The following LRP1 variants were observed in gnomAD, a reference collection of about 807,000 sequenced individuals.
LRP1 encodes LDL receptor related protein 1, also known as prolow-density lipoprotein receptor-related protein 1.
In LRP1, 51 loss-of-function variants were observed where a neutral mutation model predicts 541.5. That is an observed-to-expected ratio of 0.09 (90% CI 0.08 to 0.12). The LOEUF is 0.12. Ranked by LOEUF, LRP1 falls within the 10% of genes least tolerant of loss-of-function variation. The pLI is 1.00. For missense variants in LRP1, 3,878 were observed against 6,376.2 expected, an observed-to-expected ratio of 0.61 and a Z score of 13.34; for synonymous variants, 2,219 against 2,470.8, an observed-to-expected ratio of 0.90 and a Z score of 3.02.
At chr12:57,199,124 T>G in intron 60 of LRP1, 88 bp from the exon 61 acceptor site, 1 of 1,203,164 alleles carries the variant, frequency 8.3e-7, no homozygotes. Flanking sequence ...CCTCTCAGGG[T>G]GGTGGTAGGG....
Position 57,165,983 on chromosome 12 carries a change from GGC to G in LRP1, c.2671+39_2671+40del. On this transcript the variant is annotated intron_variant, in intron 16 of 88. Transcript: ENST00000243077. The surrounding 1 kb of genome is among the most constrained non-coding windows in gnomAD (Gnocchi z 4.5). ...CCCTGCCCCACCCTGTTGGATGGCA[GGC>G]CTGCAGGGCAGCTCGGCTCTGGCAG... 6.2e-7 allele frequency: 1 copy of G among 1,612,292 alleles called. No individual in the cohort carries two copies. Among genetic ancestry groups the G allele is most frequent in the Non-Finnish European group, 8.5e-7 (1 of 1,178,458 alleles).
chr12:57,153,715 C>G (rs2035568051), intron 6 of LRP1, among the ~76,000 whole-genome samples: 1 of 152,068 alleles, frequency 6.6e-6, no homozygotes, highest in South Asian at 2.1e-4. Flanking sequence ...TACTTTTCTC[C>G]CAAACTGGGT....
Position 57,195,320 on chromosome 12 carries a change from G to T in LRP1, c.8358G>T (p.Val2786=), listed in dbSNP as rs1009053902. 6.2e-7 allele frequency: 1 copy of T among 1,613,538 alleles called. No individual in the cohort carries two copies. Among genetic ancestry groups the T allele is most frequent in the Non-Finnish European group, 8.5e-7 (1 of 1,180,030 alleles). Residue 2786 remains valine (V), a synonymous_variant, in exon 52 of 89, where the codon GTG becomes GTT. Coordinates refer to ENST00000243077, the MANE Select transcript of LRP1 (RefSeq NM_002332.3). ...PSSFSCPGTH[V]CVPERWLCDG... ...CCTTCTCCTGCCCTGGCACCCACGT[G>T]TGCGTCCCCGAGCGCTGGCTCTGTG...
intron 33 of LRP1, 136 bp from the exon 34 acceptor site, chr12:57,181,021 G>T: frequency 1.6e-6 from 2 of 1,261,422 alleles, no homozygotes; most frequent in Non-Finnish European, 1.1e-6. Context: ...GAAAACCTGA[G>T]AGCTGGGTAG....
Position 57,191,944 on chromosome 12 carries a change from CAT to C in LRP1, c.7429+434_7429+435del, listed in dbSNP as rs1482363213. ...CACTACACATACCACACACACACCA[CAT>C]ACACACACCACATACACACACCACA... On this transcript the variant is annotated intron_variant, in intron 44 of 88. Coordinates refer to ENST00000243077, the MANE Select transcript of LRP1 (RefSeq NM_002332.3). Among the ~76,000 whole-genome samples, 35 of 110,776 alleles carry C rather than the reference CAT, an allele frequency of 3.2e-4. 1 individual carries two copies. Among genetic ancestry groups the C allele is most frequent in the African/African-American group, 6.6e-4 (18 of 27,256 alleles). The allele number at this position is 110,776 out of a possible 152,430, so 72.7% of individuals were successfully genotyped here.
intron 2 of LRP1, among the ~76,000 whole-genome samples, chr12:57,140,314 C>T (rs1398080046): frequency 2.0e-5 from 3 of 152,072 alleles, no homozygotes; most frequent in African/African-American, 7.2e-5. Flanking sequence ...TAGAATAGTG[C>T]TGTCCAATAG....
chr12:57,165,832 A>G lies in LRP1; in HGVS notation c.2558A>G (p.Gln853Arg). Reference protein sequence around the residue: ...LANPSYVPPPQCQPGEFACAN... With the variant: ...LANPSYVPPPRCQPGEFACAN... Reference sequence around the variant, plus strand: ...AACCCATCCTACGTGCCTCCACCCCAGTGCCAGCCAGGCGAGTTTGCCTGT... The same window carrying G: ...AACCCATCCTACGTGCCTCCACCCCGGTGCCAGCCAGGCGAGTTTGCCTGT... The change falls in exon 16 of 89, where the codon CAG becomes CGG. Residue 853 changes from glutamine (Q) to arginine (R), a missense_variant. Physicochemically the swap from Gln to Arg is conservative, Grantham distance 43. Transcript: ENST00000243077. This position sits in a 1 kb window ranked among gnomAD's most constrained non-coding sequence, Gnocchi z 4.5. 1 of 1,614,210 alleles carries G rather than the reference A, an allele frequency of 6.2e-7. No individual in the cohort carries two copies. The highest frequency in any genetic ancestry group is 2.2e-5 in the East Asian group (1 of 44,888).
At chr12:57,194,250 T>A (rs1207884093) in intron 48 of LRP1, 104 bp from the exon 49 acceptor site, 1 of 1,338,872 alleles carries the variant, frequency 7.5e-7, no homozygotes, top group Non-Finnish European at 1.0e-6. Context: ...AAGGGCACCG[T>A]TCAACTTTTG....
intron 1 of LRP1, among the ~76,000 whole-genome samples, chr12:57,130,987 AGGGTGGTGAGAAAGG>A (rs1236938296): frequency 6.6e-6 from 1 of 152,220 alleles, no homozygotes; most frequent in African/African-American, 2.4e-5. Context: ...TCTTGGGTAC[AGGGTGGTGAGAAAGG>A]GGAATTGCAT....
rs371256123 is a variant in LRP1, at chr12:57,199,994, G to A, written c.9983G>A (p.Arg3328His). The A allele has an allele frequency of 2.4e-5, 39 of 1,596,242 alleles. No individual in the cohort carries two copies. Among genetic ancestry groups the A allele is most frequent in the South Asian group, 4.5e-5 (4 of 88,588 alleles). The change falls in exon 62 of 89, where the codon CGC (arginine) becomes CAC (histidine). Residue 3328 changes from arginine to histidine, a missense_variant. Arg to His is a conservative substitution (Grantham distance 29, BLOSUM62 0). Around this residue, in one of 13 missense-constraint regions of LRP1, gnomAD observed 278 missense variants for 536.3 expected, o/e 0.52. Transcript: ENST00000243077. ...PTNFYLGSDG[R>H]TCVSNCTASQ... ...AACTTCTACCTGGGCAGCGATGGGC[G>A]CACCTGTGTGTCCAACTGCACGGCT...
chr12:57,178,808 T>G lies in LRP1; in HGVS notation c.4607-82T>G. On this transcript the variant is annotated intron_variant, in intron 27 of 88. Coordinates refer to ENST00000243077, the MANE Select transcript of LRP1 (RefSeq NM_002332.3). The surrounding 1 kb of genome is among the most constrained non-coding windows in gnomAD (Gnocchi z 5.8). ...GGCTGCTGGAACAGGGGGAGGAGAG[T>G]GGGCGAGGAAGGGGTGGTCCATGTA... The G allele has an allele frequency of 6.5e-7, 1 of 1,536,552 alleles. No individual in the cohort carries two copies. The highest frequency in any genetic ancestry group is 8.7e-7 in the Non-Finnish European group (1 of 1,143,272).
At position 57,154,626 on chromosome 12, in the gene LRP1, A is replaced by C. The variant is rs1565722095; in HGVS notation, c.1152A>C (p.Ala384=). ...LDLVSRLVYW[A]DAYLDYIEVV... is the part of the protein sequence containing the mutation. ...TGGTCAGCCGCCTTGTCTACTGGGC[A>C]GATGCCTATCTGGACTATATTGAAG... The change falls in exon 8 of 89, where the codon GCA becomes GCC. Residue 384 remains alanine (A), a synonymous_variant. Transcript: ENST00000243077. The surrounding 1 kb of genome is among the most constrained non-coding windows in gnomAD (Gnocchi z 4.6). 3.7e-6 allele frequency: 6 copies of C among 1,605,788 alleles called. No individual in the cohort carries two copies. Among genetic ancestry groups the C allele is most frequent in the Non-Finnish European group, 5.1e-6 (6 of 1,175,828 alleles).
Position 57,173,066 on chromosome 12 carries a change from C to T in LRP1, c.3164-102C>T. 1 of 945,648 alleles carries T rather than the reference C, an allele frequency of 1.1e-6. No individual in the cohort carries two copies. The highest frequency in any genetic ancestry group is 1.6e-5 in the South Asian group (1 of 61,168). The allele number at this position is 945,648 out of a possible 1,614,324, so 58.6% of individuals were successfully genotyped here. A position where few individuals can be genotyped will look rare whatever the true frequency, so the allele number is the denominator to read the frequency against. ...CAGACTCTCCAGGCCTGCCTCTGCT[C>T]ATATCCCCAGGCTGGGCTTACCGGG... On this transcript the variant is annotated intron_variant, in intron 20 of 88. Transcript: ENST00000243077. The surrounding 1 kb of genome is among the most constrained non-coding windows in gnomAD (Gnocchi z 4.7).
In LRP1 at chr12:57,189,941, G is replaced by C. The variant is rs1452258818; in HGVS notation, c.7032-864G>C. 6.6e-6 allele frequency among the ~76,000 whole-genome samples: 1 copy of C among 152,154 alleles called. No individual in the cohort carries two copies. The highest frequency in any genetic ancestry group is 1.5e-5 in the Non-Finnish European group (1 of 68,028). Reference sequence around the variant, plus strand: ...CCAAGGACCACTCTGTCACACCCAGGGTAGTGCATGACCAGCCCTGAGGCC... The same window carrying C: ...CCAAGGACCACTCTGTCACACCCAGCGTAGTGCATGACCAGCCCTGAGGCC... On this transcript the variant is annotated intron_variant, in intron 42 of 88. Transcript: ENST00000243077. This position sits in a 1 kb window ranked among gnomAD's most constrained non-coding sequence, Gnocchi z 4.4.
In LRP1 at chr12:57,178,842, C is replaced by T. The variant is rs756188037; in HGVS notation, c.4607-48C>T. 2.5e-6 allele frequency: 4 copies of T among 1,581,918 alleles called. No homozygotes were observed. The highest frequency in any genetic ancestry group is 2.7e-5 in the African/African-American group (2 of 74,046). The stretch of plus-strand genomic sequence containing the variant: ...AAGGGGTGGTCCATGTAGGGAGCAG[C>T]AAGTCACAGGATGCTCTGGCTTCTT... On this transcript the variant is annotated intron_variant, in intron 27 of 88. Transcript: ENST00000243077. The surrounding 1 kb of genome is among the most constrained non-coding windows in gnomAD (Gnocchi z 5.8).
At position 57,179,256 on chromosome 12, in the gene LRP1, C is replaced by T; in HGVS notation, c.4739-73C>T. ...GCAAACAGACGGATCCAGAAGAAGG[C>T]AGGGCCTGAAACCGGATTGGTGGGA... On this transcript the variant is annotated intron_variant, in intron 28 of 88. Coordinates refer to ENST00000243077, the MANE Select transcript of LRP1 (RefSeq NM_002332.3). The surrounding 1 kb of genome is among the most constrained non-coding windows in gnomAD (Gnocchi z 6.8). 1.5e-6 allele frequency: 2 copies of T among 1,300,338 alleles called. No homozygotes were observed. Among genetic ancestry groups the T allele is most frequent in the Non-Finnish European group, 2.2e-6 (2 of 915,776 alleles). The allele number at this position is 1,300,338 out of a possible 1,614,324, so 80.6% of individuals were successfully genotyped here. A position where few individuals can be genotyped will look rare whatever the true frequency, so the allele number is the denominator to read the frequency against.
rs1463622043 is a variant in LRP1 at position 57,189,570 on chromosome 12, C to T, written c.7032-1235C>T. ...TTTCCTACGTGAGCCCAGCAGAAGGCGGGATAGTTCAATGGTGCTGGAGAC... is the reference window on the plus strand; with the variant it reads ...TTTCCTACGTGAGCCCAGCAGAAGGTGGGATAGTTCAATGGTGCTGGAGAC... On this transcript the variant is annotated intron_variant, in intron 42 of 88. Transcript: ENST00000243077. The surrounding 1 kb of genome is among the most constrained non-coding windows in gnomAD (Gnocchi z 4.4). 2.6e-5 allele frequency among the ~76,000 whole-genome samples: 4 copies of T among 152,142 alleles called. No homozygotes were observed. The highest frequency in any genetic ancestry group is 1.9e-4 in the East Asian group (1 of 5,172).
chr12:57,190,777 T>C (rs2036361909), intron 42 of LRP1, 28 bp from the exon 43 acceptor site: 3 of 1,604,116 alleles, frequency 1.9e-6, no homozygotes, highest in Non-Finnish European at 2.6e-6. Flanking sequence ...AGGCTTTGCC[T>C]CCTGATCTCT....
Position 57,173,716 on chromosome 12 carries a change from G to C in LRP1, c.3347-64G>C. 6.4e-7 allele frequency: 1 copy of C among 1,557,148 alleles called. No homozygotes were observed. Among genetic ancestry groups the C allele is most frequent in the Admixed American group, 1.7e-5 (1 of 59,916 alleles). The stretch of plus-strand genomic sequence containing the variant: ...CTATTAGAGAAGCCCACAGGGTCTG[G>C]AAGGAAGGGCAGGGGGAGCCCCAGT... On this transcript the variant is annotated intron_variant, in intron 21 of 88. Coordinates refer to ENST00000243077, the MANE Select transcript of LRP1 (RefSeq NM_002332.3). The surrounding 1 kb of genome is among the most constrained non-coding windows in gnomAD (Gnocchi z 4.7).
Sources: allele counts gnomAD v4.1 joint callset (sites outside exome capture counted in the v4.1 genomes callset), GRCh38; gene constraint gnomAD v4.1.1; regional missense constraint gnomAD v4.1.1; non-coding constraint Gnocchi (gnomAD v3.1); transcripts MANE v1.5; gene names NCBI Gene and HGNC (gene_info 2026-07-23, HGNC 2026-07-21).